The following ABR variants were observed in gnomAD, a reference collection of about 807,000 sequenced individuals.
The protein encoded by ABR is ABR activator of RhoGEF and GTPase.
A neutral mutation model predicts 107.2 loss-of-function variants in ABR; 35 were observed. The observed-to-expected ratio is 0.33, with a 90% CI of 0.25 to 0.43. The LOEUF (loss-of-function observed/expected upper bound fraction) is 0.43. ABR is among the 20% of genes least tolerant of loss of function. ABR has a pLI of 1.00. For synonymous variants in ABR, 498 were observed against 462.0 expected (o/e 1.08, Z -1.00); for missense variants, 815 against 1,115.2 (o/e 0.73, Z 3.83).
chr17:1,213,537 A>C (rs1165707474), intron 1 of ABR, among the ~76,000 whole-genome samples: 1 of 151,608 alleles, frequency 6.6e-6, no homozygotes, highest in East Asian at 2.0e-4. Context: ...TTACAGGTGC[A>C]TGCCACTATG....
intron 1 of ABR, among the ~76,000 whole-genome samples, chr17:1,185,552 G>A (rs1229343178): frequency 6.6e-6 from 1 of 151,174 alleles, no homozygotes; most frequent in Non-Finnish European, 1.5e-5. Context: ...GACTGAGGCA[G>A]GAGAATCGCT....
At chr17:1,213,746 C>T (rs779484440) in intron 1 of ABR, among the ~76,000 whole-genome samples, 42 of 151,994 alleles carry the variant, frequency 2.8e-4, no homozygotes, top group Non-Finnish European at 1.5e-4. Flanking sequence ...AGAGATTGCA[C>T]GCAAACTGTG....
At chr17:1,125,514 G>GCCT (rs2039558805) in intron 1 of ABR, 147 bp from the exon 2 acceptor site, 1 of 695,538 alleles carries the variant, frequency 1.4e-6, no homozygotes, top group Non-Finnish European at 2.1e-6. Flanking sequence ...CTGTGCGGGG[G>GCCT]CCTGGGCCTG....
intron 2 of ABR, among the ~76,000 whole-genome samples, chr17:1,112,668 A>G (rs2038747885): frequency 7.6e-6 from 1 of 131,006 alleles, no homozygotes; most frequent in East Asian, 2.3e-4. Context: ...GCTGCTTGCT[A>G]GAGGACAGAA....
At chr17:1,079,253 G>A (rs546217174) in intron 6 of ABR, 77 bp downstream of exon 6, 11 of 1,551,112 alleles carry the variant, frequency 7.1e-6, no homozygotes, top group East Asian at 4.8e-5. Context: ...GGGGAAGGGC[G>A]CCGCGTTCAC....
intron 1 of ABR, among the ~76,000 whole-genome samples, chr17:1,140,800 C>T (rs62069399): frequency 2.0e-5 from 3 of 152,100 alleles, no homozygotes; most frequent in Admixed American, 6.6e-5. Flanking sequence ...CCAGGCTGGT[C>T]TCGAACTCCT....
intron 16 of ABR, among the ~76,000 whole-genome samples, chr17:1,033,642 C>T (rs934321619): frequency 3.3e-5 from 5 of 152,210 alleles, no homozygotes; most frequent in Admixed American, 3.3e-4. Context: ...GGCGGCCAGA[C>T]CAGCTCCACT....
intron 4 of ABR, among the ~76,000 whole-genome samples, chr17:1,088,736 G>A (rs1050974396): frequency 5.3e-5 from 8 of 151,004 alleles, no homozygotes; most frequent in African/African-American, 1.5e-4. Flanking sequence ...TCACAGGTGC[G>A]TGTTATCATG....
chr17:1,063,596 C>A (rs553125851), intron 10 of ABR, among the ~76,000 whole-genome samples: 12 of 118,888 alleles, frequency 1.0e-4, no homozygotes, highest in East Asian at 5.7e-4. Flanking sequence ...TTGCTCTAGA[C>A]ACTGTTGTTA....
At chr17:1,024,231 G>A (rs973245545) in intron 16 of ABR, among the ~76,000 whole-genome samples, 2 of 152,074 alleles carry the variant, frequency 1.3e-5, no homozygotes, top group African/African-American at 4.8e-5. Context: ...CAGTGGCGTC[G>A]TCGAGAAGAA....
chr17:1,073,189 A>AG (rs1396216888), intron 7 of ABR, among the ~76,000 whole-genome samples: 12 of 151,160 alleles, frequency 7.9e-5, no homozygotes, highest in Admixed American at 7.2e-4. Flanking sequence ...CAAAAAAAAA[A>AG]AAAAAAAAAA....
rs551451578 is a variant in ABR, at chr17:1,195,661, G to A, written c.838+33132C>T. ...CTACTAAAAATACAACAAATTAGCC[G>A]GGCGTGGTGGTGGGCGCCTGTAGTC... On this transcript the variant is annotated intron_variant, in intron 1 of 22. Transcript: ENST00000574139. Among the ~76,000 whole-genome samples, 27 of 151,466 alleles carry A rather than the reference G, an allele frequency of 1.8e-4. No homozygotes were observed. The South Asian group carries it at 4.8e-3, about 27-fold the overall frequency.
At chr17:1,089,687 C>T (rs1057308027) in intron 4 of ABR, among the ~76,000 whole-genome samples, 1 of 152,186 alleles carries the variant, frequency 6.6e-6, no homozygotes, top group Non-Finnish European at 1.5e-5. Context: ...AGGCCGGGCG[C>T]GGTGGCTCAC....
intron 16 of ABR, among the ~76,000 whole-genome samples, chr17:1,016,796 T>A (rs1423082048): frequency 6.6e-6 from 1 of 152,074 alleles, no homozygotes; most frequent in Non-Finnish European, 1.5e-5. Flanking sequence ...ATCTGCAAAC[T>A]GATTTCCTGA....
intron 1 of ABR, among the ~76,000 whole-genome samples, chr17:1,130,464 C>T (rs1282121397): frequency 6.6e-6 from 1 of 152,062 alleles, no homozygotes; most frequent in Non-Finnish European, 1.5e-5. Flanking sequence ...GTGTTGCCCC[C>T]CATTCACTTA....
intron 14 of ABR, among the ~76,000 whole-genome samples, chr17:1,054,376 TCA>T (rs2151053223): frequency 6.6e-6 from 1 of 152,230 alleles, no homozygotes; most frequent in South Asian, 2.1e-4. Flanking sequence ...CTCAGAGAAC[TCA>T]CAGTGGGAGA....
intron 1 of ABR, among the ~76,000 whole-genome samples, chr17:1,168,261 T>C (rs1235213962): frequency 6.6e-6 from 1 of 152,058 alleles, no homozygotes; most frequent in East Asian, 1.9e-4. Flanking sequence ...GATTGCACCA[T>C]TGCACTCCAG....
intron 1 of ABR, among the ~76,000 whole-genome samples, chr17:1,226,031 T>C (rs1227629328): frequency 6.6e-6 from 1 of 152,144 alleles, no homozygotes; most frequent in Admixed American, 6.6e-5. Flanking sequence ...AACAGAATAA[T>C]ACTCGCCGTG....
intron 2 of ABR, among the ~76,000 whole-genome samples, chr17:1,122,630 C>T (rs924530860): frequency 6.6e-6 from 1 of 152,196 alleles, no homozygotes; most frequent in African/African-American, 2.4e-5. Context: ...AGCTCTCAGG[C>T]CTTTGGACTT....
Sources: allele counts gnomAD v4.1 joint callset (sites outside exome capture counted in the v4.1 genomes callset), GRCh38; gene constraint gnomAD v4.1.1; transcripts MANE v1.5; gene names NCBI Gene and HGNC (gene_info 2026-07-23, HGNC 2026-07-21).